The following FMN2 variants were observed in gnomAD, a reference collection of about 807,000 sequenced individuals.
The protein encoded by FMN2 is formin 2, also known as formin-2.
In FMN2, 51 loss-of-function variants were observed where a neutral mutation model predicts 142.3. The observed-to-expected ratio is 0.36, with a 90% CI of 0.29 to 0.45. The LOEUF (loss-of-function observed/expected upper bound fraction) is 0.45. Ranked by LOEUF, FMN2 falls within the 20% of genes least tolerant of loss-of-function variation. FMN2 has a pLI of 1.00. For missense variants in FMN2, 1,936 were observed against 2,122.8 expected (o/e 0.91, Z 1.73); for synonymous variants, 882 against 869.8 (o/e 1.01, Z -0.25).
intron 16 of FMN2, among the ~76,000 whole-genome samples, chr1:240,467,788 G>T (rs1290470438): frequency 6.6e-6 from 1 of 152,074 alleles, no homozygotes; most frequent in African/African-American, 2.4e-5. Flanking sequence ...TTTATTCAGC[G>T]TAGTTTTGTT....
chr1:240,407,265 G>A (rs1674241326), intron 15 of FMN2, among the ~76,000 whole-genome samples: 2 of 152,026 alleles, frequency 1.3e-5, no homozygotes, highest in Non-Finnish European at 2.9e-5. Context: ...AGCCTCCAGA[G>A]TAGCTGCGAT....
chr1:240,191,248 T>C (rs1382671282), intron 4 of FMN2, among the ~76,000 whole-genome samples: 1 of 152,234 alleles, frequency 6.6e-6, no homozygotes, highest in Non-Finnish European at 1.5e-5. Context: ...TTTTACTCTT[T>C]CTGTAGTTAA....
At chr1:240,248,432 G>GATATATAT (rs36215850) in intron 6 of FMN2, among the ~76,000 whole-genome samples, 115 of 142,424 alleles carry the variant, frequency 8.1e-4, no homozygotes, top group Middle Eastern at 3.7e-3. Flanking sequence ...CATGTGATTG[G>GATATATAT]ATATATATAT....
rs1468698826 is a variant in FMN2 at position 240,143,850 on chromosome 1, A to G, written c.1782+20505A>G. The G allele has an allele frequency of 1.9e-6, 3 of 1,583,212 alleles. No homozygotes were observed. The African/African-American group carries it at 4.0e-5, about 21-fold the overall frequency. ...GTCACACCTGCCACCTCCATGCTGG[A>G]CTTTGAATCTCCCATCACAGGCAGC... On this transcript the variant is annotated intron_variant, in intron 2 of 17. Transcript: ENST00000319653.
intron 1 of FMN2, among the ~76,000 whole-genome samples, chr1:240,112,274 G>A (rs972182171): frequency 6.6e-6 from 1 of 152,140 alleles, no homozygotes; most frequent in East Asian, 1.9e-4. Flanking sequence ...TGGGACTACA[G>A]GCACGCACCA....
chr1:240,204,398 G>C (rs76451958), intron 4 of FMN2, among the ~76,000 whole-genome samples: 1 of 152,108 alleles, frequency 6.6e-6, no homozygotes, highest in Non-Finnish European at 1.5e-5. Flanking sequence ...CCAGGAGTTC[G>C]AGGCCAGCCT....
chr1:240,127,210 G>A (rs113632208), intron 2 of FMN2, among the ~76,000 whole-genome samples: 5,880 of 149,784 alleles, frequency 0.039, 377 homozygotes, highest in African/African-American at 0.14. Context: ...TGCATCCTCC[G>A]CCTCCTGGGT....
chr1:240,208,616 A>G lies in FMN2; in HGVS notation c.3804A>G (p.Pro1268=). Residue 1268 remains proline, a synonymous_variant, in exon 5 of 18, where the codon CCA becomes CCG. Coordinates refer to ENST00000319653, the MANE Select transcript of FMN2 (RefSeq NM_020066.5). ...QVCGFLPPPL[P]SGLFGLGMNQ... is the part of the protein sequence containing the mutation. The stretch of plus-strand genomic sequence containing the variant: ...GTGGATTTCTTCCTCCTCCATTGCC[A>G]AGTGGCTTGTTTGGATTAGGGATGA... 2 of 1,613,908 alleles carry G rather than the reference A, an allele frequency of 1.2e-6. No homozygotes were observed. Among genetic ancestry groups the G allele is most frequent in the Non-Finnish European group, 1.7e-6 (2 of 1,180,022 alleles).
At chr1:240,360,336 A>T (rs1197571514) in intron 14 of FMN2, among the ~76,000 whole-genome samples, 1 of 152,230 alleles carries the variant, frequency 6.6e-6, no homozygotes, top group Non-Finnish European at 1.5e-5. Context: ...GCAAACCAAC[A>T]GCATCTGAAT....
chr1:240,100,690 A>G (rs977774822), intron 1 of FMN2, among the ~76,000 whole-genome samples: 1 of 152,176 alleles, frequency 6.6e-6, no homozygotes, highest in Non-Finnish European at 1.5e-5. Context: ...GTAAAGATGT[A>G]CTTGGAAGTG....
chr1:240,286,304 G>A (rs1669588372), intron 7 of FMN2, among the ~76,000 whole-genome samples: 1 of 152,160 alleles, frequency 6.6e-6, no homozygotes, highest in African/African-American at 2.4e-5. Flanking sequence ...AATTGTGATT[G>A]CTGTGTCTTT....
intron 13 of FMN2, among the ~76,000 whole-genome samples, chr1:240,349,537 A>AGG (rs1281677060): frequency 6.6e-6 from 1 of 151,990 alleles, no homozygotes; most frequent in African/African-American, 2.4e-5. Context: ...GGTTCATTCC[A>AGG]GGGAGTGGCA....
chr1:240,127,954 A>G (rs549487249), intron 2 of FMN2, among the ~76,000 whole-genome samples: 2 of 152,262 alleles, frequency 1.3e-5, no homozygotes, highest in East Asian at 3.9e-4. Flanking sequence ...GGTATGGCTG[A>G]TGGGACTTCT....
chr1:240,174,313 G>A (rs1169747614), intron 2 of FMN2, among the ~76,000 whole-genome samples: 1 of 152,164 alleles, frequency 6.6e-6, no homozygotes, highest in Non-Finnish European at 1.5e-5. Flanking sequence ...CTGGAGGGCG[G>A]TGAAGGATAG....
chr1:240,116,170 G>GT (rs1269249847), intron 1 of FMN2, among the ~76,000 whole-genome samples: 3 of 152,188 alleles, frequency 2.0e-5, no homozygotes. Flanking sequence ...TGTGTTATCA[G>GT]TGGGTCTTTG....
At chr1:240,338,571 A>G (rs1424462252) in intron 13 of FMN2, among the ~76,000 whole-genome samples, 1 of 152,164 alleles carries the variant, frequency 6.6e-6, no homozygotes, top group African/African-American at 2.4e-5. Context: ...TCTGAGTGGT[A>G]TGATGAAACC....
Position 240,178,015 on chromosome 1 carries a change from G to A in FMN2, c.1877G>A (p.Gly626Glu). Residue 626 changes from glycine (G) to glutamate (E), a missense_variant, in exon 3 of 18, where the codon GGG (glycine) becomes GAG (glutamate). Physicochemically the swap from Gly to Glu is moderately conservative, Grantham distance 98. This residue lies in a region of FMN2 where 478 missense variants were observed against 462.8 expected (regional missense o/e 1.03). Transcript: ENST00000319653. ...GQFPRRVPSM[G>E]PPSKPPDEEH... ...TTTCCTAGGCGAGTTCCATCCATGG[G>A]GCCACCATCCAAACCTCCCGATGAG... The A allele has an allele frequency of 1.2e-6, 2 of 1,612,200 alleles. No individual in the cohort carries two copies. Among genetic ancestry groups the A allele is most frequent in the Non-Finnish European group, 1.7e-6 (2 of 1,179,316 alleles).
At chr1:240,221,849 C>CTTTTTTT (rs34473197) in intron 6 of FMN2, among the ~76,000 whole-genome samples, 1 of 115,254 alleles carries the variant, frequency 8.7e-6, no homozygotes, top group Non-Finnish European at 1.7e-5. Context: ...CTTCTAGGGA[C>CTTTTTTT]TTTTTTTTTT....
chr1:240,359,742 T>C (rs1672397171), intron 14 of FMN2, among the ~76,000 whole-genome samples: 1 of 152,256 alleles, frequency 6.6e-6, no homozygotes, highest in Admixed American at 6.5e-5. Context: ...AGGTGCTAGA[T>C]ATGTACCCTC....
Sources: allele counts gnomAD v4.1 joint callset (sites outside exome capture counted in the v4.1 genomes callset), GRCh38; gene constraint gnomAD v4.1.1; regional missense constraint gnomAD v4.1.1; transcripts MANE v1.5; gene names NCBI Gene and HGNC (gene_info 2026-07-23, HGNC 2026-07-21).